The following SCN4A variants were observed in gnomAD, a reference collection of about 807,000 sequenced individuals.
SCN4A encodes sodium channel protein type 4 subunit alpha.
A neutral mutation model predicts 162.0 loss-of-function variants in SCN4A; 83 were observed. That is an observed-to-expected ratio of 0.51 (90% CI 0.43 to 0.61). The LOEUF is 0.61. Among genes scored for constraint, SCN4A ranks in the 20% least tolerant of loss-of-function variants. SCN4A has a pLI of 0.00. For missense variants in SCN4A, 2,196 were observed against 2,462.5 expected (o/e 0.89, Z 2.29); for synonymous variants, 944 against 985.1 (o/e 0.96, Z 0.78).
At chr17:63,967,579 C>A (rs894801078) in intron 6 of SCN4A, among the ~76,000 whole-genome samples, 1 of 152,100 alleles carries the variant, frequency 6.6e-6, no homozygotes, top group African/African-American at 2.4e-5. Flanking sequence ...TCAGAGGTGA[C>A]ACAGGCTGCC....
rs1419121662 is a variant in SCN4A, at chr17:63,972,620, C to T, written c.222G>A (p.Glu74=). 16 of 1,607,092 alleles carry T rather than the reference C, an allele frequency of 1.0e-5. No homozygotes were observed. In the South Asian group the frequency reaches 1.7e-4, roughly 17 times the overall value. ...LPMIYGDPPP[E]VIGIPLEDLD... ...GGTCCTCCAGGGGGATGCCGATGAC[C>T]TCCGGCGGGGGGTCTCCGTAGATCA... The change falls in exon 1 of 24, where the codon GAG becomes GAA. Residue 74 remains glutamate, a synonymous_variant. Transcript: ENST00000435607. The surrounding 1 kb of genome is among the most constrained non-coding windows in gnomAD (Gnocchi z 4.3).
chr17:63,943,088 G>A lies in SCN4A; in HGVS notation c.4026C>T (p.Ile1342=), dbSNP rs1430158002. 1 of 1,609,908 alleles carries A rather than the reference G, an allele frequency of 6.2e-7. No individual in the cohort carries two copies. ...QKPIPRPQNK[I]QGMVYDLVTK... is the part of the protein sequence containing the mutation. ...TCACGAGGTCATACACCATGCCCTGGATCTTGTTCTGCAGCATGGGTGGGA... is the reference window on the plus strand; with the variant it reads ...TCACGAGGTCATACACCATGCCCTGAATCTTGTTCTGCAGCATGGGTGGGA... Residue 1342 remains isoleucine (I), a synonymous_variant, in exon 23 of 24, where the codon ATC becomes ATT. Coordinates refer to ENST00000435607, the MANE Select transcript of SCN4A (RefSeq NM_000334.4).
At chr17:63,959,219 TCACCC>T in intron 12 of SCN4A, 41 bp downstream of exon 12, 1 of 1,503,146 alleles carries the variant, frequency 6.7e-7, no homozygotes, top group Non-Finnish European at 9.1e-7. Flanking sequence ...CTTAGTCTCC[TCACCC>T]CACCCCCATC....
Position 63,965,708 on chromosome 17 carries a change from C to T in SCN4A, c.1242+394G>A, listed in dbSNP as rs534582644. ...TTCACTATGTTGGCCAGGCTGGTCT[C>T]GAACTCCTGACCTCGTGATCCGCCC... On this transcript the variant is annotated intron_variant, in intron 8 of 23. Coordinates refer to ENST00000435607, the MANE Select transcript of SCN4A (RefSeq NM_000334.4). 3.5e-4 allele frequency among the ~76,000 whole-genome samples: 54 copies of T among 152,280 alleles called. 2 individuals carry two copies. The highest frequency in any genetic ancestry group is 3.4e-3 in the Middle Eastern group (1 of 294).
chr17:63,958,143 G>A (rs746329015), intron 12 of SCN4A, among the ~76,000 whole-genome samples: 5 of 152,190 alleles, frequency 3.3e-5, no homozygotes, highest in Non-Finnish European at 7.3e-5. Flanking sequence ...GCCGAAGAAG[G>A]TGCATCACTT....
intron 5 of SCN4A, among the ~76,000 whole-genome samples, chr17:63,969,725 C>G (rs1256267932): frequency 6.6e-6 from 1 of 151,716 alleles, no homozygotes; most frequent in African/African-American, 2.4e-5. Context: ...CTCACTGCAA[C>G]TTCTGCCTCC....
chr17:63,971,269 A>C lies in SCN4A; in HGVS notation c.612-16T>G. 6 of 403,814 alleles carry C rather than the reference A, an allele frequency of 1.5e-5. No individual in the cohort carries two copies. The highest frequency in any genetic ancestry group is 2.5e-5 in the Non-Finnish European group (6 of 241,882). 25.0% of individuals were successfully genotyped at this position (403,814 alleles called of 1,614,324 possible). A position where few individuals can be genotyped will look rare whatever the true frequency, so the allele number is the denominator to read the frequency against. ...TGTCAGGTACCTGGGTAGGGGGTGG[A>C]GGGGGGTGGGGACTGTCAGAGCCTG... is the stretch of plus-strand genomic sequence containing the variant. On this transcript the variant is annotated splice_polypyrimidine_tract_variant and intron_variant, in intron 4 of 23. Transcript: ENST00000435607.
At position 63,948,907 on chromosome 17, in the gene SCN4A, C is replaced by T. The variant is rs1303356570; in HGVS notation, c.2990-142G>A. On this transcript the variant is annotated intron_variant, in intron 15 of 23. Coordinates refer to ENST00000435607, the MANE Select transcript of SCN4A (RefSeq NM_000334.4). Reference sequence around the variant, plus strand: ...CCCAGGGCCCCCACCTCCTCCCTCACCCAGCTCCATCTGGCTCACATGGGG... The same window carrying T: ...CCCAGGGCCCCCACCTCCTCCCTCATCCAGCTCCATCTGGCTCACATGGGG... The T allele has an allele frequency of 2.5e-5, 17 of 690,458 alleles. 1 individual carries two copies. In the Admixed American group the frequency reaches 4.8e-4, roughly 20 times the overall value. The allele number at this position is 690,458 out of a possible 1,614,324, so 42.8% of individuals were successfully genotyped here.
At chr17:63,956,911 A>T (rs554753808) in intron 13 of SCN4A, among the ~76,000 whole-genome samples, 1 of 152,380 alleles carries the variant, frequency 6.6e-6, no homozygotes, top group South Asian at 2.1e-4. Flanking sequence ...AGCTTGTCAG[A>T]AATGCAGGTC....
At chr17:63,961,107 A>G (rs1909234594) in intron 11 of SCN4A, 86 bp downstream of exon 11, 1 of 721,664 alleles carries the variant, frequency 1.4e-6, no homozygotes, top group Non-Finnish European at 2.2e-6. Context: ...ACCGTGCCCT[A>G]TATTTACATA....
In SCN4A at chr17:63,948,032, C is replaced by T. The variant is rs749433088; in HGVS notation, c.3176G>A (p.Arg1059Gln). ...ATATTCTAGGATGGTGCGAATGACT[C>T]GCCGCTGCTCAATGTAGATGTCCTC... ...AFEDIYIEQR[R>Q]VIRTILEYAD... Residue 1059 changes from arginine to glutamine, a missense_variant, in exon 17 of 24, where the codon CGA becomes CAA. By Grantham distance (43) the Arg-to-Gln change is conservative. Transcript: ENST00000435607. The T allele has an allele frequency of 2.1e-5, 34 of 1,611,386 alleles. No homozygotes were observed. Among genetic ancestry groups the T allele is most frequent in the Admixed American group, 3.3e-5 (2 of 59,910 alleles).
intron 5 of SCN4A, among the ~76,000 whole-genome samples, chr17:63,970,537 C>T (rs1909580890): frequency 6.6e-6 from 1 of 151,984 alleles, no homozygotes. Context: ...AATTACAGCT[C>T]ATAGCAGGCT....
At chr17:63,943,277 G>A (rs551059840) in intron 22 of SCN4A, among the ~76,000 whole-genome samples, 181 bp from the exon 23 acceptor site, 5 of 152,152 alleles carry the variant, frequency 3.3e-5, no homozygotes, top group African/African-American at 1.2e-4. Context: ...AGCCAGGGGA[G>A]GAGGGGTGAC....
At chr17:63,948,580 C>A (rs1378647067) in intron 16 of SCN4A, 31 bp downstream of exon 16, 27 of 1,602,238 alleles carry the variant, frequency 1.7e-5, no homozygotes, top group Non-Finnish European at 2.3e-5. Flanking sequence ...CTGGCCCCTG[C>A]CCCTGACCCG....
intron 14 of SCN4A, among the ~76,000 whole-genome samples, chr17:63,949,875 T>G (rs1363352822): frequency 1.4e-5 from 2 of 147,638 alleles, no homozygotes; most frequent in African/African-American, 5.0e-5. Context: ...AAGGTAGCTC[T>G]GAGGGGGCAG....
intron 12 of SCN4A, 128 bp from the exon 13 acceptor site, chr17:63,957,646 G>A (rs1909114220): frequency 1.6e-6 from 1 of 639,764 alleles, no homozygotes; most frequent in African/African-American, 1.8e-5. Flanking sequence ...TGAGTCCTCA[G>A]TGTGCCCTTC....
chr17:63,963,890 C>T (rs915507426), intron 9 of SCN4A, 65 bp from the exon 10 acceptor site: 2 of 1,444,234 alleles, frequency 1.4e-6, no homozygotes, highest in East Asian at 2.5e-5. Context: ...GACTAATTGA[C>T]CCTCAGAGCT....
chr17:63,940,435 G>A lies in SCN4A; in HGVS notation c.*336C>T. ...CCACCGCAGGCCAGCTCCTCCTCAA[G>A]TGAGGGGCAGAGATTCGAATGTTCT... On this transcript the variant is annotated 3_prime_UTR_variant, in exon 24 of 24. Transcript: ENST00000435607. The A allele has an allele frequency of 3.4e-6, 1 of 297,062 alleles. No individual in the cohort carries two copies. The highest frequency in any genetic ancestry group is 5.7e-5 in the East Asian group (1 of 17,578). The allele number at this position is 297,062 out of a possible 1,614,324, so 18.4% of individuals were successfully genotyped here.
chr17:63,961,144 C>G lies in SCN4A; in HGVS notation c.1845+49G>C, dbSNP rs757085270. On this transcript the variant is annotated intron_variant, in intron 11 of 23. Transcript: ENST00000435607. ...AGCCAGACAGCTCCACTGGGCCCTACCCCCTCCCATCCTGCCCATGAATGA... is the reference window on the plus strand; with the variant it reads ...AGCCAGACAGCTCCACTGGGCCCTAGCCCCTCCCATCCTGCCCATGAATGA... The G allele has an allele frequency of 3.6e-5, 41 of 1,147,960 alleles. 2 individuals carry two copies. Among genetic ancestry groups the G allele is most frequent in the Admixed American group, 7.7e-5 (4 of 52,172 alleles). The allele number at this position is 1,147,960 out of a possible 1,614,324, so 71.1% of individuals were successfully genotyped here. A position where few individuals can be genotyped will look rare whatever the true frequency, so the allele number is the denominator to read the frequency against.
Sources: gnomAD v4.1 joint callset for allele counts (sites outside exome capture counted in the v4.1 genomes callset) on GRCh38, gnomAD v4.1.1 for gene constraint, Gnocchi (gnomAD v3.1) non-coding constraint, MANE v1.5 for transcripts, NCBI Gene and HGNC (gene_info 2026-07-23, HGNC 2026-07-21) for gene names.